IL1RAPL2: variants seen among roughly 807,000 people sequenced by gnomAD.
IL1RAPL2 encodes the protein X-linked interleukin-1 receptor accessory protein-like 2.
IL1RAPL2 carries 3 observed loss-of-function variants against 44.1 expected under a neutral mutation model. The observed-to-expected ratio is 0.07, with a 90% CI of 0.03 to 0.18. The LOEUF (loss-of-function observed/expected upper bound fraction) is 0.18, where lower values mean the gene tolerates loss of function less well. Among genes scored for constraint, IL1RAPL2 ranks in the 10% least tolerant of loss-of-function variants. The probability of loss-of-function intolerance (pLI) is 1.00; values close to 1 mark genes in which losing one functional copy is unlikely to be tolerated. For synonymous variants in IL1RAPL2, 181 were observed against 178.8 expected (o/e 1.01, Z -0.10); for missense variants, 391 against 496.4 (o/e 0.79, Z 2.02).
At chrX:105,560,468 T>C (rs1187369294) in intron 6 of IL1RAPL2, among the ~76,000 whole-genome samples, 1 of 111,273 alleles carries the variant, frequency 9.0e-6, no homozygotes, top group East Asian at 2.8e-4. Context: ...ACCCAGGCTG[T>C]AGTGCAGTGG....
chrX:104,610,942 G>C lies in IL1RAPL2; in HGVS notation c.-20+43891G>C, dbSNP rs554349211. Among the ~76,000 whole-genome samples, 5 of 111,626 alleles carry C rather than the reference G, an allele frequency of 4.5e-5. No homozygotes were observed. The East Asian group carries it at 1.1e-3, about 25-fold the overall frequency. On this transcript the variant is annotated intron_variant, in intron 1 of 10. Transcript: ENST00000372582. ...AGCAGCAGGTCTGTTGGAGTTTGCT[G>C]GAGGTCCACTCCAGACCCTGTTTGC...
At position 105,602,389 on chromosome X, in the gene IL1RAPL2, G is replaced by GA. The variant is rs1184521630; in HGVS notation, c.773-114967dup. ...TAGGTCTTTTAAAATAAACCAGTAA[G>GA]AAAAAAAAAAAGAATAAGAAAGAAT... On this transcript the variant is annotated intron_variant, in intron 6 of 10. Coordinates refer to ENST00000372582, the MANE Select transcript of IL1RAPL2 (RefSeq NM_017416.2). Among the ~76,000 whole-genome samples the GA allele has an allele frequency of 4.5e-3, 445 of 99,483 alleles. 3 individuals carry two copies. Among genetic ancestry groups the GA allele is most frequent in the African/African-American group, 0.015 (397 of 27,374 alleles). The allele number at this position is 99,483 out of a possible 115,157, so 86.4% of individuals were successfully genotyped here. A position where few individuals can be genotyped will look rare whatever the true frequency, so the allele number is the denominator to read the frequency against.
chrX:105,481,910 A>G (rs1041922502), intron 5 of IL1RAPL2, among the ~76,000 whole-genome samples: 16 of 112,001 alleles, frequency 1.4e-4, no homozygotes, highest in Non-Finnish European at 2.6e-4. Flanking sequence ...ACAGTTACTC[A>G]GCCATCCACT....
intron 2 of IL1RAPL2, among the ~76,000 whole-genome samples, chrX:104,994,615 A>G (rs960991381): frequency 1.8e-5 from 2 of 111,600 alleles, no homozygotes; most frequent in Non-Finnish European, 3.8e-5. Context: ...GGTAAAGCAT[A>G]TCTAGTTCAT....
intron 5 of IL1RAPL2, among the ~76,000 whole-genome samples, chrX:105,324,694 C>A (rs1286198193): frequency 8.9e-6 from 1 of 112,282 alleles, no homozygotes; most frequent in African/African-American, 3.2e-5. Flanking sequence ...AAGCCCCAAG[C>A]TTTACTGCTA....
intron 5 of IL1RAPL2, among the ~76,000 whole-genome samples, chrX:105,414,096 C>G (rs1345754753): frequency 9.0e-6 from 1 of 111,449 alleles, no homozygotes; most frequent in Non-Finnish European, 1.9e-5. Flanking sequence ...TTCTATTACA[C>G]AGTGCTGATA....
At chrX:105,148,476 T>G (rs943887028) in intron 2 of IL1RAPL2, among the ~76,000 whole-genome samples, 2 of 111,831 alleles carry the variant, frequency 1.8e-5, no homozygotes, top group South Asian at 7.4e-4. Context: ...TTTAAAAAAA[T>G]TTCCAGCATT....
intron 3 of IL1RAPL2, chrX:105,218,923 T>A: frequency 3.2e-6 from 3 of 925,966 alleles, no homozygotes; most frequent in Non-Finnish European, 4.4e-6. Context: ...TAATTCGCCA[T>A]CGAGATATAC....
intron 2 of IL1RAPL2, among the ~76,000 whole-genome samples, chrX:104,826,944 T>TC (rs1487931524): frequency 1.1e-5 from 1 of 93,009 alleles, no homozygotes; most frequent in East Asian, 3.3e-4. Context: ...CCTGCTTTTT[T>TC]TTTTTTTTTT....
At chrX:105,100,799 A>T (rs2032662087) in intron 2 of IL1RAPL2, among the ~76,000 whole-genome samples, 1 of 112,332 alleles carries the variant, frequency 8.9e-6, no homozygotes, top group South Asian at 3.7e-4. Flanking sequence ...GGTCCTATTC[A>T]TTCTGGATGA....
At chrX:105,062,898 A>G (rs2032092439) in intron 2 of IL1RAPL2, among the ~76,000 whole-genome samples, 1 of 110,808 alleles carries the variant, frequency 9.0e-6, no homozygotes, top group Non-Finnish European at 1.9e-5. Context: ...TTGATTATTA[A>G]ATGTGTTGAG....
At chrX:105,342,341 G>T (rs1315202069) in intron 5 of IL1RAPL2, among the ~76,000 whole-genome samples, 1 of 112,186 alleles carries the variant, frequency 8.9e-6, no homozygotes, top group African/African-American at 3.2e-5. Flanking sequence ...ATTATTATCT[G>T]TATCTTACAG....
intron 6 of IL1RAPL2, among the ~76,000 whole-genome samples, chrX:105,656,159 G>A (rs1602504908): frequency 9.0e-6 from 1 of 111,179 alleles, no homozygotes; most frequent in East Asian, 2.8e-4. Context: ...CATTCTCTAT[G>A]TCCATGAGTT....
chrX:105,189,310 T>G lies in IL1RAPL2; in HGVS notation c.83-6165T>G, dbSNP rs782697476. Among the ~76,000 whole-genome samples, 395 of 112,547 alleles carry G rather than the reference T, an allele frequency of 3.5e-3. 1 individual carries two copies. The highest frequency in any genetic ancestry group is 0.012 in the African/African-American group (381 of 31,023). On this transcript the variant is annotated intron_variant, in intron 2 of 10. Transcript: ENST00000372582. ...TCTGCTGGTGTGCAGTGGTGCGATC[T>G]CTGCTCACTGCAACCTCTGCCTCCC...
At chrX:104,594,197 A>G (rs1014235922) in intron 1 of IL1RAPL2, among the ~76,000 whole-genome samples, 1 of 112,037 alleles carries the variant, frequency 8.9e-6, no homozygotes, top group Non-Finnish European at 1.9e-5. Context: ...AGAACCTAGC[A>G]CAGAGACTAG....
intron 2 of IL1RAPL2, among the ~76,000 whole-genome samples, chrX:105,050,128 G>T (rs914629107): frequency 8.9e-6 from 1 of 111,976 alleles, no homozygotes; most frequent in Admixed American, 9.5e-5. Context: ...TGCACTGTGT[G>T]TCCAATAATA....
At chrX:104,695,336 GGAGA>G (rs996263405) in intron 2 of IL1RAPL2, among the ~76,000 whole-genome samples, 2 of 107,489 alleles carry the variant, frequency 1.9e-5, no homozygotes, top group Non-Finnish European at 3.9e-5. Flanking sequence ...TGGGGCAGCA[GGAGA>G]GAGAGAGAAA....
At chrX:105,032,220 A>C (rs1325777628) in intron 2 of IL1RAPL2, among the ~76,000 whole-genome samples, 2 of 108,336 alleles carry the variant, frequency 1.8e-5, no homozygotes, top group Non-Finnish European at 3.8e-5. Flanking sequence ...TTGTGTCTCT[A>C]TTTCCTTCAG....
At chrX:104,775,141 A>C (rs1376177201) in intron 2 of IL1RAPL2, among the ~76,000 whole-genome samples, 2 of 112,624 alleles carry the variant, frequency 1.8e-5, no homozygotes, top group Non-Finnish European at 3.7e-5. Flanking sequence ...GAAGATGTGC[A>C]AATTATAATT....
Sources: allele counts gnomAD v4.1 joint callset (sites outside exome capture counted in the v4.1 genomes callset), GRCh38; gene constraint gnomAD v4.1.1; transcripts MANE v1.5; gene names NCBI Gene and HGNC (gene_info 2026-07-23, HGNC 2026-07-21).